The following VGLL4 variants were observed in gnomAD, a reference collection of about 807,000 sequenced individuals.
VGLL4 encodes the protein vestigial like family member 4.
VGLL4 carries 7 observed loss-of-function variants against 21.0 expected under a neutral mutation model. The ratio of observed to expected loss-of-function variants is 0.33; its 90% CI spans 0.19 to 0.63. The LOEUF is 0.63. VGLL4 is among the 20% of genes least tolerant of loss of function. The probability of loss-of-function intolerance (pLI) is 0.78; values close to 1 mark genes in which losing one functional copy is unlikely to be tolerated. For missense variants in VGLL4, 394 were observed against 425.7 expected (o/e 0.93, Z 0.66); for synonymous variants, 222 against 173.2 (o/e 1.28, Z -2.21).
At chr3:11,624,880 C>T (rs1445210827) in intron 1 of VGLL4, among the ~76,000 whole-genome samples, 2 of 152,140 alleles carry the variant, frequency 1.3e-5, no homozygotes, top group Non-Finnish European at 2.9e-5. Flanking sequence ...TAGCTTCTCA[C>T]GATTACATTT....
chr3:11,627,976 T>C (rs867883803), intron 1 of VGLL4, among the ~76,000 whole-genome samples: 1 of 152,236 alleles, frequency 6.6e-6, no homozygotes, highest in Admixed American at 6.5e-5. Flanking sequence ...AGTAAAAGAT[T>C]GCATATTCTA....
intron 2 of VGLL4, among the ~76,000 whole-genome samples, chr3:11,575,057 G>A (rs143045461): frequency 9.9e-5 from 15 of 152,164 alleles, no homozygotes; most frequent in South Asian, 6.2e-4. Context: ...TTCAACGCTC[G>A]TGCCAACCCC....
chr3:11,691,391 G>C (rs939567078), intron 2 of VGLL4, among the ~76,000 whole-genome samples: 2 of 151,910 alleles, frequency 1.3e-5, no homozygotes, highest in African/African-American at 4.8e-5. Context: ...CATTCCTATG[G>C]GAAATCATCA....
At chr3:11,687,405 T>C (rs949056429) in intron 2 of VGLL4, among the ~76,000 whole-genome samples, 6 of 152,224 alleles carry the variant, frequency 3.9e-5, no homozygotes, top group Non-Finnish European at 7.3e-5. Flanking sequence ...GGTCTTAACA[T>C]GTATCTTGTT....
intron 1 of VGLL4, among the ~76,000 whole-genome samples, chr3:11,710,174 T>C (rs1213917757): frequency 6.6e-6 from 1 of 152,136 alleles, no homozygotes; most frequent in African/African-American, 2.4e-5. Context: ...GCTCCCATGA[T>C]CCAACCTCTC....
rs184290250 is a variant in VGLL4 at position 11,621,744 on chromosome 3, G to A, written c.83-19722C>T. ...TAACATTTCGAGCAACTGCAAAACTGTTTCCAAAACAGCTACACCATTTTA... is the reference window on the plus strand; with the variant it reads ...TAACATTTCGAGCAACTGCAAAACTATTTCCAAAACAGCTACACCATTTTA... On this transcript the variant is annotated intron_variant, in intron 1 of 4. Transcript: ENST00000430365. Among the ~76,000 whole-genome samples the A allele has an allele frequency of 1.7e-3, 254 of 152,284 alleles. 2 individuals carry two copies. Among genetic ancestry groups the A allele is most frequent in the African/African-American group, 5.7e-3 (238 of 41,580 alleles).
At chr3:11,681,651 C>G (rs1159832501) in intron 2 of VGLL4, among the ~76,000 whole-genome samples, 5 of 152,224 alleles carry the variant, frequency 3.3e-5, no homozygotes, top group African/African-American at 7.2e-5. Flanking sequence ...ATTAATATTT[C>G]ATTTGCATAC....
At chr3:11,706,038 T>G (rs1021985158) in intron 1 of VGLL4, among the ~76,000 whole-genome samples, 4 of 152,214 alleles carry the variant, frequency 2.6e-5, no homozygotes, top group Admixed American at 2.6e-4. Context: ...CCCCATTAAG[T>G]TGAAGGACAA....
At chr3:11,634,851 T>C (rs947525012) in intron 1 of VGLL4, among the ~76,000 whole-genome samples, 3 of 152,066 alleles carry the variant, frequency 2.0e-5, no homozygotes, top group African/African-American at 7.2e-5. Context: ...TTTATATTTT[T>C]AGTAGAGGCG....
chr3:11,570,991 G>C (rs956772533), intron 2 of VGLL4, among the ~76,000 whole-genome samples: 2 of 152,198 alleles, frequency 1.3e-5, no homozygotes, highest in African/African-American at 4.8e-5. Context: ...ATTTTAGACG[G>C]GAAGTGAGGG....
chr3:11,670,742 AAGAG>A (rs1175758055), intron 2 of VGLL4, among the ~76,000 whole-genome samples: 1 of 152,154 alleles, frequency 6.6e-6, no homozygotes, highest in Non-Finnish European at 1.5e-5. Flanking sequence ...TGCCACATAA[AAGAG>A]AGAGTGGTGG....
chr3:11,699,607 GAC>G (rs1231354127), intron 2 of VGLL4: 1 of 152,162 alleles, frequency 6.6e-6, no homozygotes, highest in African/African-American at 2.4e-5. Flanking sequence ...AGGAGTTTGA[GAC>G]CAGCCTGGGC....
chr3:11,608,520 C>T (rs546768705), intron 1 of VGLL4, among the ~76,000 whole-genome samples: 2 of 152,152 alleles, frequency 1.3e-5, no homozygotes, highest in East Asian at 3.9e-4. Context: ...AGAAGTTTAA[C>T]AGAGAGAAAT....
Position 11,565,098 on chromosome 3 carries a change from G to A in VGLL4, c.273-79C>T. The A allele has an allele frequency of 7.7e-7, 1 of 1,304,422 alleles. No homozygotes were observed. Among genetic ancestry groups the A allele is most frequent in the Non-Finnish European group, 1.0e-6 (1 of 997,960 alleles). 80.8% of individuals were successfully genotyped at this position (1,304,422 alleles called of 1,614,324 possible). On this transcript the variant is annotated intron_variant, in intron 2 of 4. Coordinates refer to ENST00000430365, the MANE Select transcript of VGLL4 (RefSeq NM_001128219.3). The surrounding 1 kb of genome is among the most constrained non-coding windows in gnomAD (Gnocchi z 4.1). The stretch of plus-strand genomic sequence containing the variant: ...AGTGACTGTGCGCCAGGCACTCCGT[G>A]TTGCTTATTTAATTTTTTACCCTGA...
intron 1 of VGLL4, among the ~76,000 whole-genome samples, chr3:11,638,579 C>T (rs772242296): frequency 7.2e-5 from 11 of 152,066 alleles, no homozygotes; most frequent in Non-Finnish European, 1.3e-4. Context: ...CACTCCCTAT[C>T]CTTTCCTGCA....
rs1034894969 is a variant in VGLL4, at chr3:11,556,495, C to G, written c.*2061G>C. Reference sequence around the variant, plus strand: ...TCAGCTGTGGGTGGTTTTCCTGTTACGACGCTCAGTAGCCTGTAGCAATAA... The same window carrying G: ...TCAGCTGTGGGTGGTTTTCCTGTTAGGACGCTCAGTAGCCTGTAGCAATAA... On this transcript the variant is annotated 3_prime_UTR_variant, in exon 5 of 5. Transcript: ENST00000430365. The G allele has an allele frequency of 1.3e-5, 2 of 152,610 alleles. No homozygotes were observed. Among genetic ancestry groups the G allele is most frequent in the Non-Finnish European group, 2.9e-5 (2 of 68,016 alleles). 9.5% of individuals were successfully genotyped at this position (152,610 alleles called of 1,614,324 possible). A position where few individuals can be genotyped will look rare whatever the true frequency, so the allele number is the denominator to read the frequency against.
chr3:11,697,225 G>A (rs115045557), intron 2 of VGLL4, among the ~76,000 whole-genome samples: 3,588 of 151,698 alleles, frequency 0.024, 63 homozygotes, highest in Middle Eastern at 0.048. Flanking sequence ...CTCAGCCTCT[G>A]GAGTAGATGG....
chr3:11,582,372 T>C (rs547554543), intron 2 of VGLL4: 24 of 1,565,970 alleles, frequency 1.5e-5, no homozygotes, highest in Non-Finnish European at 2.1e-5. Context: ...TGGCAAGCAG[T>C]CTCAGGCACA....
intron 2 of VGLL4, among the ~76,000 whole-genome samples, chr3:11,663,589 G>A (rs2076067216): frequency 1.3e-5 from 2 of 152,092 alleles, no homozygotes; most frequent in Admixed American, 6.6e-5. Flanking sequence ...GTGGTGGTGG[G>A]CACCTGTAAT....
Sources: gnomAD v4.1 joint callset for allele counts (sites outside exome capture counted in the v4.1 genomes callset) on GRCh38, gnomAD v4.1.1 for gene constraint, Gnocchi (gnomAD v3.1) non-coding constraint, MANE v1.5 for transcripts, NCBI Gene and HGNC (gene_info 2026-07-23, HGNC 2026-07-21) for gene names.